RAB3GAP1: variants seen among roughly 807,000 people sequenced by gnomAD.
RAB3GAP1 encodes the protein RAB3 GTPase activating protein catalytic subunit 1, also known as rab3 GTPase-activating protein catalytic subunit.
A neutral mutation model predicts 130.7 loss-of-function variants in RAB3GAP1; 86 were observed. The observed-to-expected ratio is 0.66, with a 90% CI of 0.55 to 0.79. RAB3GAP1 has a LOEUF of 0.79. Ranked by LOEUF, RAB3GAP1 falls within the 30% of genes least tolerant of loss-of-function variation. The pLI, the probability that RAB3GAP1 is intolerant of heterozygous loss-of-function variation, is 0.00. For synonymous variants in RAB3GAP1, 367 were observed against 401.7 expected, an observed-to-expected ratio of 0.91 and a Z score of 1.03; for missense variants, 1,029 against 1,169.4, an observed-to-expected ratio of 0.88 and a Z score of 1.75.
In RAB3GAP1 at chr2:135,134,033, G is replaced by C; in HGVS notation, c.1499G>C (p.Gly500Ala). 1 of 1,613,410 alleles carries C rather than the reference G, an allele frequency of 6.2e-7. No homozygotes were observed. The change falls in exon 15 of 24, where the codon GGA becomes GCA. Residue 500 changes from glycine (G) to alanine (A), a missense_variant and splice_region_variant. Gly to Ala is a moderately conservative substitution (Grantham distance 60). Around this residue, in one of 3 missense-constraint regions of RAB3GAP1, gnomAD observed 373 missense variants for 493.6 expected, o/e 0.76. Transcript: ENST00000264158. The stretch of plus-strand genomic sequence containing the variant: ...TGGGAAAACAACTTTCTGATTCCAG[G>C]GTAATAATTTCAATTTTCAATTGTT... ...FRWENNFLIP[G>A]LASGPPDLRC...
At chr2:135,107,543 C>G (rs147027430) in intron 5 of RAB3GAP1, among the ~76,000 whole-genome samples, 1 of 152,108 alleles carries the variant, frequency 6.6e-6, no homozygotes, top group East Asian at 1.9e-4. Flanking sequence ...AAAATAAATT[C>G]AAAAAATGAA....
intron 11 of RAB3GAP1, among the ~76,000 whole-genome samples, chr2:135,127,603 A>G (rs1691394827): frequency 6.6e-6 from 1 of 152,006 alleles, no homozygotes; most frequent in Non-Finnish European, 1.5e-5. Context: ...CGGCCTCCCA[A>G]GGTGCTGGGA....
chr2:135,110,873 C>A (rs1040616141), intron 5 of RAB3GAP1, among the ~76,000 whole-genome samples: 1 of 152,092 alleles, frequency 6.6e-6, no homozygotes, highest in South Asian at 2.1e-4. Context: ...TGGAACATTT[C>A]TGGAAGAATA....
intron 4 of RAB3GAP1, among the ~76,000 whole-genome samples, chr2:135,093,283 T>G (rs1484647681): frequency 6.6e-6 from 1 of 152,190 alleles, no homozygotes; most frequent in Non-Finnish European, 1.5e-5. Context: ...CTAAATAGAA[T>G]GTTGAAGAAA....
intron 23 of RAB3GAP1, chr2:135,165,256 A>G: frequency 2.4e-6 from 1 of 413,846 alleles, no homozygotes. Context: ...CATTACCTCT[A>G]GTAGTGAAAG....
chr2:135,099,848 G>T (rs1003260493), intron 5 of RAB3GAP1, among the ~76,000 whole-genome samples: 1 of 152,030 alleles, frequency 6.6e-6, no homozygotes, highest in African/African-American at 2.4e-5. Flanking sequence ...TAGTGATTTG[G>T]ATTGATGGAG....
At chr2:135,086,461 A>G (rs1289245546) in intron 3 of RAB3GAP1, among the ~76,000 whole-genome samples, 1 of 151,964 alleles carries the variant, frequency 6.6e-6, no homozygotes, top group Non-Finnish European at 1.5e-5. Flanking sequence ...TTCACTGATG[A>G]CTATTGATAG....
intron 3 of RAB3GAP1, among the ~76,000 whole-genome samples, chr2:135,076,465 G>A (rs1440715677): frequency 6.6e-6 from 1 of 152,010 alleles, no homozygotes; most frequent in Non-Finnish European, 1.5e-5. Context: ...GCATTCATTA[G>A]TGTTCATTAG....
Position 135,135,900 on chromosome 2 carries a change from A to G in RAB3GAP1, c.1891A>G (p.Asn631Asp). Residue 631 changes from asparagine (N) to aspartate (D), a missense_variant, in exon 17 of 24, where the codon AAT becomes GAT. Around this residue, in one of 3 missense-constraint regions of RAB3GAP1, gnomAD observed 373 missense variants for 493.6 expected, o/e 0.76. Transcript: ENST00000264158. ...GCATGGGAAACTTACACTGCTGCAT[A>G]ATGGAGAACCTCTCTACATTCCAGT... ...YQHGKLTLLH[N>D]GEPLYIPVTQ... The G allele has an allele frequency of 6.2e-7, 1 of 1,614,148 alleles. No individual in the cohort carries two copies. Among genetic ancestry groups the G allele is most frequent in the Non-Finnish European group, 8.5e-7 (1 of 1,179,936 alleles).
intron 19 of RAB3GAP1, 98 bp downstream of exon 19, chr2:135,153,974 A>C: frequency 8.9e-7 from 1 of 1,124,048 alleles, no homozygotes; most frequent in South Asian, 1.3e-5. Flanking sequence ...GACACACTTG[A>C]GGTGCAAAGC....
chr2:135,072,429 C>G (rs1304681833), intron 3 of RAB3GAP1, among the ~76,000 whole-genome samples: 1 of 152,124 alleles, frequency 6.6e-6, no homozygotes, highest in Non-Finnish European at 1.5e-5. Flanking sequence ...GGCAAAAAAC[C>G]TTTTGCAGTG....
chr2:135,093,915 G>A (rs1353832948), intron 5 of RAB3GAP1, among the ~76,000 whole-genome samples: 1 of 152,184 alleles, frequency 6.6e-6, no homozygotes, highest in African/African-American at 2.4e-5. Flanking sequence ...TTTCCTAATG[G>A]AGTCAGGCAA....
intron 19 of RAB3GAP1, among the ~76,000 whole-genome samples, chr2:135,154,881 C>T (rs1357712678): frequency 6.6e-6 from 1 of 152,178 alleles, no homozygotes; most frequent in Non-Finnish European, 1.5e-5. Context: ...CAGCCTCCCT[C>T]ATCTCCCTCT....
At position 135,111,836 on chromosome 2, in the gene RAB3GAP1, A is replaced by C. The variant is rs1259842395; in HGVS notation, c.363-1315A>C. Among the ~76,000 whole-genome samples, 3 of 152,188 alleles carry C rather than the reference A, an allele frequency of 2.0e-5. No homozygotes were observed. The East Asian group carries it at 5.8e-4, about 29-fold the overall frequency. On this transcript the variant is annotated intron_variant, in intron 5 of 23. Transcript: ENST00000264158. ...CACATTATAGTTTACTTAGATACAA[A>C]ATGTTTACTTTCCTTGTAGGTAAGG...
chr2:135,136,035 CTA>C, intron 17 of RAB3GAP1, 103 bp downstream of exon 17: 1 of 1,498,944 alleles, frequency 6.7e-7, no homozygotes, highest in African/African-American at 1.4e-5. Flanking sequence ...TCCAAAAAGT[CTA>C]TGTTTAGGCC....
At chr2:135,122,506 G>A (rs1691234192) in intron 8 of RAB3GAP1, among the ~76,000 whole-genome samples, 1 of 152,136 alleles carries the variant, frequency 6.6e-6, no homozygotes, top group South Asian at 2.1e-4. Flanking sequence ...TAAGGTCTTT[G>A]TTAATCTTCT....
In RAB3GAP1 at chr2:135,135,779, T is replaced by C. The variant is rs1417172504; in HGVS notation, c.1770T>C (p.Ser590=). Residue 590 remains serine (S), a synonymous_variant, in exon 17 of 24, where the codon AGT becomes AGC. Coordinates refer to ENST00000264158, the MANE Select transcript of RAB3GAP1 (RefSeq NM_012233.3). The part of the protein sequence containing the change: ...DSEEEFFECL[S]DTEELKGNGQ... ...AAGAAGAATTTTTTGAATGCCTAAG[T>C]GATACTGAAGAACTTAAAGGAAATG... 6.2e-7 allele frequency: 1 copy of C among 1,614,048 alleles called. No individual in the cohort carries two copies. Among genetic ancestry groups the C allele is most frequent in the Non-Finnish European group, 8.5e-7 (1 of 1,179,982 alleles).
chr2:135,071,839 G>A (rs1349565354), intron 3 of RAB3GAP1, among the ~76,000 whole-genome samples: 1 of 152,232 alleles, frequency 6.6e-6, no homozygotes, highest in African/African-American at 2.4e-5. Flanking sequence ...GCCAATGGCT[G>A]TTGGTCTGTC....
At chr2:135,117,588 TCTTCTGCTG>T (rs1691037233) in intron 7 of RAB3GAP1, among the ~76,000 whole-genome samples, 8 of 138,886 alleles carry the variant, frequency 5.8e-5, no homozygotes, top group South Asian at 2.3e-4. Context: ...TTCTGCTTCT[TCTTCTGCTG>T]CTTCTTCTGC....
Sources: gnomAD v4.1 joint callset for allele counts (sites outside exome capture counted in the v4.1 genomes callset) on GRCh38, gnomAD v4.1.1 for gene constraint, gnomAD v4.1.1 regional missense constraint, MANE v1.5 for transcripts, NCBI Gene and HGNC (gene_info 2026-07-23, HGNC 2026-07-21) for gene names.